CSMD3: variants seen among roughly 807,000 people sequenced by gnomAD.
The protein encoded by CSMD3 is CUB and sushi domain-containing protein 3.
A neutral mutation model predicts 435.2 loss-of-function variants in CSMD3; 177 were observed. The ratio of observed to expected loss-of-function variants is 0.41; its 90% CI spans 0.36 to 0.46. CSMD3 has a LOEUF of 0.46. Among genes scored for constraint, CSMD3 ranks in the 20% least tolerant of loss-of-function variants. The probability of loss-of-function intolerance (pLI) is 0.34; values close to 1 mark genes in which losing one functional copy is unlikely to be tolerated. For synonymous variants in CSMD3, 1,656 were observed against 1,520.5 expected, an observed-to-expected ratio of 1.09 and a Z score of -2.07; for missense variants, 4,265 against 4,504.6, an observed-to-expected ratio of 0.95 and a Z score of 1.52.
chr8:112,429,741 A>C (rs769096139), intron 32 of CSMD3, among the ~76,000 whole-genome samples: 58 of 152,200 alleles, frequency 3.8e-4, no homozygotes, highest in African/African-American at 1.4e-3. Flanking sequence ...GACAATTGAT[A>C]ATTTAAAATG....
At chr8:113,001,994 G>A (rs1444697058) in intron 6 of CSMD3, among the ~76,000 whole-genome samples, 1 of 152,042 alleles carries the variant, frequency 6.6e-6, no homozygotes, top group African/African-American at 2.4e-5. Flanking sequence ...ACTTCATTAA[G>A]AGTGGTCTCT....
At chr8:113,380,575 C>T (rs2094410719) in intron 1 of CSMD3, among the ~76,000 whole-genome samples, 2 of 152,100 alleles carry the variant, frequency 1.3e-5, no homozygotes, top group African/African-American at 4.8e-5. Context: ...GCCACTTTCC[C>T]AAAGACTGAC....
chr8:112,419,334 C>T (rs1445911266), intron 32 of CSMD3, among the ~76,000 whole-genome samples: 1 of 152,106 alleles, frequency 6.6e-6, no homozygotes, highest in Admixed American at 6.6e-5. Context: ...GTCAGCAACT[C>T]ACAGAGTATA....
chr8:113,175,163 T>A (rs1180650945), intron 3 of CSMD3, among the ~76,000 whole-genome samples: 1 of 151,836 alleles, frequency 6.6e-6, no homozygotes, highest in Non-Finnish European at 1.5e-5. Flanking sequence ...ACAAAATGGT[T>A]CACAATATAT....
Position 112,472,706 on chromosome 8 carries a change from C to T in CSMD3, c.5280G>A (p.Ala1760=), listed in dbSNP as rs12155677. The T allele has an allele frequency of 0.075, 118,285 of 1,581,954 alleles. 4,997 individuals carry two copies. The highest frequency in any genetic ancestry group is 0.11 in the Middle Eastern group (643 of 6,010). The change falls in exon 32 of 71, where the codon GCG becomes GCA. Residue 1760 remains alanine (A), a splice_region_variant and synonymous_variant. Transcript: ENST00000297405. ...AACCTGTTGAACGACTTCCACAGGG[C>T]GCTAGGAAAAAATGGCAAAAATATC... The part of the protein sequence containing the change: ...GWNRALPSCH[A]PCGSRSTGSE...
At chr8:113,345,952 C>G (rs1052692469) in intron 1 of CSMD3, among the ~76,000 whole-genome samples, 6 of 151,864 alleles carry the variant, frequency 4.0e-5, no homozygotes, top group Admixed American at 3.9e-4. Context: ...AGTAACTCCT[C>G]CTCTCCCAAG....
chr8:113,185,340 AAAAGG>A (rs1458868608), intron 3 of CSMD3, among the ~76,000 whole-genome samples: 1 of 152,094 alleles, frequency 6.6e-6, no homozygotes, highest in Admixed American at 6.6e-5. Context: ...GGGAAGAAAG[AAAAGG>A]AAAGAAGCAT....
At chr8:112,965,552 T>G (rs998346195) in intron 7 of CSMD3, among the ~76,000 whole-genome samples, 1 of 151,952 alleles carries the variant, frequency 6.6e-6, no homozygotes, top group Non-Finnish European at 1.5e-5. Context: ...TTAAAATCTT[T>G]ACATAGGACT....
At chr8:112,609,021 T>C (rs1833019138) in intron 22 of CSMD3, among the ~76,000 whole-genome samples, 1 of 151,496 alleles carries the variant, frequency 6.6e-6, no homozygotes, top group Admixed American at 6.6e-5. Context: ...GAAAAGTTTC[T>C]GCCCAGCAAG....
chr8:112,251,888 A>G lies in CSMD3; in HGVS notation c.10110+2365T>C, dbSNP rs926199713. Among the ~76,000 whole-genome samples, 6 of 152,018 alleles carry G rather than the reference A, an allele frequency of 3.9e-5. No individual in the cohort carries two copies. In the Middle Eastern group the frequency reaches 0.01, roughly 259 times the overall value. ...TATTTTGACAGCTATTCTCTTCACT[A>G]TCAATTTTTAGTAAAATTATTCCAA... On this transcript the variant is annotated intron_variant, in intron 63 of 70. Transcript: ENST00000297405.
At chr8:112,421,658 AAT>A (rs1491110149) in intron 32 of CSMD3, among the ~76,000 whole-genome samples, 1 of 147,742 alleles carries the variant, frequency 6.8e-6, no homozygotes, top group Admixed American at 6.8e-5. Flanking sequence ...GTATATATGT[AAT>A]ATGTTATATA....
At chr8:112,814,939 CAT>C (rs2079331315) in intron 12 of CSMD3, among the ~76,000 whole-genome samples, 2 of 151,548 alleles carry the variant, frequency 1.3e-5, no homozygotes, top group Admixed American at 1.3e-4. Context: ...TATGTTCTAA[CAT>C]ATTTTTTGTA....
At chr8:113,319,120 T>G (rs997884598) in intron 1 of CSMD3, among the ~76,000 whole-genome samples, 1 of 152,030 alleles carries the variant, frequency 6.6e-6, no homozygotes, top group African/African-American at 2.4e-5. Context: ...TTTTAATTTA[T>G]TTAGGAACCT....
intron 13 of CSMD3, among the ~76,000 whole-genome samples, chr8:112,768,935 C>G (rs536423389): frequency 6.6e-6 from 1 of 152,002 alleles, no homozygotes; most frequent in Admixed American, 6.6e-5. Context: ...AATAGATCAT[C>G]TGTGGCAACC....
intron 3 of CSMD3, among the ~76,000 whole-genome samples, chr8:113,236,496 C>T (rs538134808): frequency 6.6e-6 from 1 of 152,270 alleles, no homozygotes; most frequent in East Asian, 1.9e-4. Context: ...ACAATTTCCA[C>T]TCTATAGTGC....
At chr8:113,224,795 ATT>A (rs202113273) in intron 3 of CSMD3, among the ~76,000 whole-genome samples, 2 of 148,406 alleles carry the variant, frequency 1.3e-5, no homozygotes, top group Non-Finnish European at 3.0e-5. Flanking sequence ...TCTTGTGTAA[ATT>A]TTTTTTTTTA....
intron 13 of CSMD3, among the ~76,000 whole-genome samples, chr8:112,755,535 T>C (rs1214319299): frequency 6.6e-6 from 1 of 150,958 alleles, no homozygotes; most frequent in Non-Finnish European, 1.5e-5. Context: ...GTAAGTTTCC[T>C]GAGACCTCCC....
At chr8:112,685,781 AT>A in intron 14 of CSMD3, 49 bp from the exon 15 acceptor site, 1 of 1,129,792 alleles carries the variant, frequency 8.9e-7, no homozygotes, top group Non-Finnish European at 1.3e-6. Context: ...CAAAAATAAT[AT>A]TTCATCTTAT....
chr8:113,184,246 G>GT (rs1395975081), intron 3 of CSMD3, among the ~76,000 whole-genome samples: 1 of 151,962 alleles, frequency 6.6e-6, no homozygotes, highest in Non-Finnish European at 1.5e-5. Flanking sequence ...AGCTCCAGAT[G>GT]TTTAGCTATC....
Sources: allele counts gnomAD v4.1 joint callset (sites outside exome capture counted in the v4.1 genomes callset), GRCh38; gene constraint gnomAD v4.1.1; transcripts MANE v1.5; gene names NCBI Gene and HGNC (gene_info 2026-07-23, HGNC 2026-07-21).